The following ETV1 variants were observed in gnomAD, a reference collection of about 807,000 sequenced individuals.
The protein encoded by ETV1 is ETS variant transcription factor 1, also known as ETS translocation variant 1.
Under a neutral mutation model 62.3 loss-of-function variants are expected in ETV1, and 27 were observed. The ratio of observed to expected loss-of-function variants is 0.43; its 90% CI spans 0.32 to 0.60. The LOEUF (loss-of-function observed/expected upper bound fraction) is 0.60, where lower values mean the gene tolerates loss of function less well. Ranked by LOEUF, ETV1 falls within the 20% of genes least tolerant of loss-of-function variation. The probability of loss-of-function intolerance (pLI) is 0.06; values close to 1 mark genes in which losing one functional copy is unlikely to be tolerated. For synonymous variants in ETV1, 222 were observed against 199.6 expected (o/e 1.11, Z -0.94); for missense variants, 605 against 605.8 (o/e 1.00, Z 0.01).
intron 6 of ETV1, among the ~76,000 whole-genome samples, chr7:13,955,436 A>T (rs1789306241): frequency 6.6e-6 from 1 of 152,174 alleles, no homozygotes; most frequent in African/African-American, 2.4e-5. Context: ...TAAAATAAAT[A>T]TTAACTTAAA....
chr7:13,966,107 C>A (rs188830649), intron 6 of ETV1, among the ~76,000 whole-genome samples: 40 of 152,276 alleles, frequency 2.6e-4, no homozygotes, highest in African/African-American at 7.7e-4. Flanking sequence ...AACATCTGAT[C>A]TGAATCTTAA....
At chr7:13,986,297 G>A in intron 5 of ETV1, 3 of 1,503,326 alleles carry the variant, frequency 2.0e-6, no homozygotes, top group Non-Finnish European at 8.8e-7. Flanking sequence ...TCTGGCTCTA[G>A]GAGGTCTCTG....
chr7:13,919,455 A>C (rs1784568237), intron 9 of ETV1, among the ~76,000 whole-genome samples: 1 of 151,052 alleles, frequency 6.6e-6, no homozygotes, highest in Non-Finnish European at 1.5e-5. Context: ...TCACAATAAC[A>C]CATGCTTGTT....
intron 12 of ETV1, among the ~76,000 whole-genome samples, chr7:13,901,225 G>T (rs1042141020): frequency 8.5e-5 from 13 of 152,082 alleles, no homozygotes; most frequent in African/African-American, 3.1e-4. Flanking sequence ...GGCTGGTCTC[G>T]AACTCCTGAC....
chr7:13,948,286 C>A (rs1053142328), intron 6 of ETV1, among the ~76,000 whole-genome samples: 1 of 152,200 alleles, frequency 6.6e-6, no homozygotes, highest in Admixed American at 6.5e-5. Flanking sequence ...TTTCACTCTG[C>A]TTTCCTCCCA....
At chr7:13,919,651 A>T (rs1784606572) in intron 9 of ETV1, among the ~76,000 whole-genome samples, 1 of 151,768 alleles carries the variant, frequency 6.6e-6, no homozygotes, top group Middle Eastern at 3.4e-3. Context: ...TTCCTTGAAA[A>T]TTTTTTCAAG....
intron 9 of ETV1, among the ~76,000 whole-genome samples, chr7:13,917,816 T>A (rs896897839): frequency 5.9e-5 from 9 of 151,500 alleles, no homozygotes; most frequent in Non-Finnish European, 1.2e-4. Flanking sequence ...CACAAAAAAT[T>A]AGCCGGGCGT....
At chr7:13,943,878 A>C (rs866418922) in intron 6 of ETV1, among the ~76,000 whole-genome samples, 1 of 152,072 alleles carries the variant, frequency 6.6e-6, no homozygotes, top group African/African-American at 2.4e-5. Context: ...AGTTTAAAAA[A>C]CTCTGAGGGA....
chr7:13,963,753 G>C (rs1020278423), intron 6 of ETV1, among the ~76,000 whole-genome samples: 2 of 151,974 alleles, frequency 1.3e-5, no homozygotes, highest in Non-Finnish European at 2.9e-5. Flanking sequence ...TAAATAAGAG[G>C]ATAGGTCTAT....
chr7:13,939,260 C>G lies in ETV1; in HGVS notation c.236-14G>C, dbSNP rs368974107. 1 of 1,593,642 alleles carries G rather than the reference C, an allele frequency of 6.3e-7. No individual in the cohort carries two copies. The highest frequency in any genetic ancestry group is 1.1e-5 in the South Asian group (1 of 87,118). ...CATGAAAAGCCACTAGAAAAAAGAA[C>G]AAAAATATCCACAAAAATTAAATGC... On this transcript the variant is annotated splice_polypyrimidine_tract_variant and intron_variant, in intron 6 of 13. Coordinates refer to ENST00000430479, the MANE Select transcript of ETV1 (RefSeq NM_004956.5).
chr7:13,947,223 T>C (rs1788266758), intron 6 of ETV1, among the ~76,000 whole-genome samples: 2 of 152,318 alleles, frequency 1.3e-5, no homozygotes, highest in Admixed American at 1.3e-4. Flanking sequence ...AACAATGAAA[T>C]CTATGAATGA....
In ETV1 at chr7:13,935,820, G is replaced by A; in HGVS notation, c.442C>T (p.Leu148=). 6.2e-7 allele frequency: 1 copy of A among 1,613,984 alleles called. No individual in the cohort carries two copies. Among genetic ancestry groups the A allele is most frequent in the Non-Finnish European group, 8.5e-7 (1 of 1,179,878 alleles). Reference sequence around the variant, plus strand: ...GTTGAGTTTGGAGATGCATGATGCAGTGGGGACACTGGCGTGCTGGATGGT... The same window carrying A: ...GTTGAGTTTGGAGATGCATGATGCAATGGGGACACTGGCGTGCTGGATGGT... ...PTPSSTPVSP[L]HHASPNSTHT... is the part of the protein sequence containing the mutation. The change falls in exon 8 of 14, where the codon CTG becomes TTG. Residue 148 remains leucine (L), a synonymous_variant. Coordinates refer to ENST00000430479, the MANE Select transcript of ETV1 (RefSeq NM_004956.5).
At chr7:13,991,369 C>A (rs989959594), upstream of ETV1, 6 of 152,346 alleles carry the variant, frequency 3.9e-5, no homozygotes, top group Non-Finnish European at 8.8e-5. Context: ...AGGGTAACCG[C>A]GAGGGGGCGG....
At chr7:13,931,001 C>T (rs978288388) in intron 9 of ETV1, among the ~76,000 whole-genome samples, 2 of 151,808 alleles carry the variant, frequency 1.3e-5, no homozygotes, top group Admixed American at 6.6e-5. Flanking sequence ...GGGGTTTCAC[C>T]GTGTTAGCCA....
At chr7:13,975,077 C>G (rs371393070) in intron 6 of ETV1, 4 of 152,178 alleles carry the variant, frequency 2.6e-5, no homozygotes, top group African/African-American at 7.2e-5. Context: ...TAGCCAGTAT[C>G]CAGACATGTC....
chr7:13,966,173 C>T (rs1328651891), intron 6 of ETV1, among the ~76,000 whole-genome samples: 1 of 152,116 alleles, frequency 6.6e-6, no homozygotes, highest in Non-Finnish European at 1.5e-5. Flanking sequence ...TAATACTTAA[C>T]AGTAGAGTAC....
At chr7:13,959,255 G>A (rs970787047) in intron 6 of ETV1, among the ~76,000 whole-genome samples, 1 of 152,072 alleles carries the variant, frequency 6.6e-6, no homozygotes, top group Non-Finnish European at 1.5e-5. Flanking sequence ...GAGATTAATT[G>A]ACATACCACG....
At chr7:13,933,205 A>C (rs1490313455) in intron 8 of ETV1, among the ~76,000 whole-genome samples, 1 of 152,192 alleles carries the variant, frequency 6.6e-6, no homozygotes, top group Admixed American at 6.5e-5. Context: ...TTGTAACTGA[A>C]AGCTTTGTAA....
chr7:13,989,714 C>G (rs1782876173), upstream of ETV1: 2 of 398,074 alleles, frequency 5.0e-6, no homozygotes, highest in Non-Finnish European at 8.9e-6. Flanking sequence ...CTCCAGGGGC[C>G]TCCAATCCAA....
Sources: allele counts gnomAD v4.1 joint callset (sites outside exome capture counted in the v4.1 genomes callset), GRCh38; gene constraint gnomAD v4.1.1; transcripts MANE v1.5; gene names NCBI Gene and HGNC (gene_info 2026-07-23, HGNC 2026-07-21).